The following EPB41L4A variants were observed in gnomAD, a reference collection of about 807,000 sequenced individuals.
EPB41L4A encodes erythrocyte membrane protein band 4.1 like 4A, also known as band 4.1-like protein 4A.
Under a neutral mutation model 108.6 loss-of-function variants are expected in EPB41L4A, and 100 were observed. That is an observed-to-expected ratio of 0.92 (90% CI 0.78 to 1.09). The LOEUF (loss-of-function observed/expected upper bound fraction) is 1.09, where lower values mean the gene tolerates loss of function less well. Among genes scored for constraint, EPB41L4A ranks in the 50% least tolerant of loss-of-function variants. The pLI, the probability that EPB41L4A is intolerant of heterozygous loss-of-function variation, is 0.00. For synonymous variants in EPB41L4A, 319 were observed against 289.0 expected (o/e 1.10, Z -1.05); for missense variants, 1,030 against 842.7 (o/e 1.22, Z -2.75).
intron 17 of EPB41L4A, chr5:112,191,959 A>G (rs1243686552): frequency 6.6e-6 from 1 of 152,248 alleles, no homozygotes; most frequent in Non-Finnish European, 1.5e-5. Flanking sequence ...GGCAAGAGGT[A>G]GAACATCAGC....
At chr5:112,342,013 C>T (rs538818023) in intron 1 of EPB41L4A, among the ~76,000 whole-genome samples, 2 of 152,252 alleles carry the variant, frequency 1.3e-5, no homozygotes, top group African/African-American at 4.8e-5. Flanking sequence ...ACCATTTCCT[C>T]CTATAGAATG....
intron 1 of EPB41L4A, among the ~76,000 whole-genome samples, chr5:112,376,165 G>A (rs968361540): frequency 2.0e-5 from 3 of 152,066 alleles, no homozygotes; most frequent in African/African-American, 2.4e-5. Context: ...TAAAGAACTC[G>A]CAAAACTCAA....
chr5:112,339,011 T>C (rs1004530982), intron 1 of EPB41L4A, among the ~76,000 whole-genome samples: 1 of 125,808 alleles, frequency 7.9e-6, no homozygotes, highest in Non-Finnish European at 1.7e-5. Context: ...AGAACATTTG[T>C]AAATAAAAGA....
chr5:112,284,568 C>A (rs1753163654), intron 2 of EPB41L4A, among the ~76,000 whole-genome samples: 1 of 152,156 alleles, frequency 6.6e-6, no homozygotes, highest in Non-Finnish European at 1.5e-5. Context: ...GTATACTATG[C>A]AGTCTGTATA....
intron 1 of EPB41L4A, among the ~76,000 whole-genome samples, chr5:112,358,894 A>G (rs1364786721): frequency 1.3e-5 from 2 of 152,244 alleles, no homozygotes; most frequent in Non-Finnish European, 2.9e-5. Context: ...ACAATAACAT[A>G]AAAGAATCAC....
At chr5:112,193,646 C>G (rs1051710060) in intron 17 of EPB41L4A, among the ~76,000 whole-genome samples, 4 of 152,202 alleles carry the variant, frequency 2.6e-5, no homozygotes, top group African/African-American at 7.2e-5. Flanking sequence ...AAAAGTAAAG[C>G]AACCAAGCCA....
At chr5:112,323,275 T>C (rs1408505816) in intron 1 of EPB41L4A, among the ~76,000 whole-genome samples, 1 of 152,078 alleles carries the variant, frequency 6.6e-6, no homozygotes, top group Non-Finnish European at 1.5e-5. Flanking sequence ...GGGATAATTC[T>C]CTAGACTGAA....
chr5:112,382,473 T>A (rs1453573609), intron 1 of EPB41L4A, among the ~76,000 whole-genome samples: 1 of 152,200 alleles, frequency 6.6e-6, no homozygotes, highest in African/African-American at 2.4e-5. Context: ...AAATCCTGCA[T>A]GTGTGAGTCA....
Position 112,364,129 on chromosome 5 carries a change from C to G in EPB41L4A, c.99+54812G>C, listed in dbSNP as rs576383114. On this transcript the variant is annotated intron_variant, in intron 1 of 22. Coordinates refer to ENST00000261486, the MANE Select transcript of EPB41L4A (RefSeq NM_022140.5). Reference sequence around the variant, plus strand: ...TGCAAACTCTGCCTCCTGGGTTAAGCAATTCTTCAGCCTCAGCCTCCCGAG... The same window carrying G: ...TGCAAACTCTGCCTCCTGGGTTAAGGAATTCTTCAGCCTCAGCCTCCCGAG... Among the ~76,000 whole-genome samples, 4 of 152,280 alleles carry G rather than the reference C, an allele frequency of 2.6e-5. No individual in the cohort carries two copies. In the South Asian group the frequency reaches 8.3e-4, roughly 32 times the overall value.
chr5:112,334,055 C>G (rs775573750), intron 1 of EPB41L4A, among the ~76,000 whole-genome samples: 1 of 152,158 alleles, frequency 6.6e-6, no homozygotes, highest in African/African-American at 2.4e-5. Context: ...TGAGGGCAGT[C>G]AGACAGTCAG....
intron 18 of EPB41L4A, among the ~76,000 whole-genome samples, chr5:112,178,576 C>T (rs1231694517): frequency 6.6e-6 from 1 of 150,964 alleles, no homozygotes; most frequent in Admixed American, 6.6e-5. Flanking sequence ...TAAAACTGTT[C>T]AGACTTTTTT....
chr5:112,247,627 C>A (rs1750343688), intron 9 of EPB41L4A, among the ~76,000 whole-genome samples: 2 of 152,140 alleles, frequency 1.3e-5, no homozygotes, highest in African/African-American at 4.8e-5. Flanking sequence ...TAATTACATG[C>A]TTCCAAAGAC....
intron 12 of EPB41L4A, among the ~76,000 whole-genome samples, chr5:112,234,343 C>T (rs1336061288): frequency 6.6e-6 from 1 of 151,596 alleles, no homozygotes; most frequent in Non-Finnish European, 1.5e-5. Flanking sequence ...AATCATGCCA[C>T]TGCAATCCAG....
intron 12 of EPB41L4A, among the ~76,000 whole-genome samples, chr5:112,232,911 G>C (rs1296318989): frequency 6.6e-6 from 1 of 152,142 alleles, no homozygotes; most frequent in Admixed American, 6.5e-5. Flanking sequence ...TGTTAGACAA[G>C]GGTGATCTAT....
intron 1 of EPB41L4A, among the ~76,000 whole-genome samples, chr5:112,339,706 T>G (rs907986650): frequency 2.6e-5 from 4 of 151,802 alleles, no homozygotes; most frequent in African/African-American, 9.7e-5. Flanking sequence ...GTTAATGTTT[T>G]TGTATTTTTA....
intron 1 of EPB41L4A, among the ~76,000 whole-genome samples, chr5:112,406,352 G>C (rs1482184564): frequency 6.6e-6 from 1 of 152,140 alleles, no homozygotes; most frequent in African/African-American, 2.4e-5. Flanking sequence ...GAGATATGCA[G>C]CATGGAGCTT....
At chr5:112,319,236 G>A (rs1042205733) in intron 1 of EPB41L4A, among the ~76,000 whole-genome samples, 4 of 152,028 alleles carry the variant, frequency 2.6e-5, no homozygotes, top group South Asian at 2.1e-4. Flanking sequence ...CAGGACTCTC[G>A]CTAATCAAAT....
chr5:112,336,081 G>C (rs1309637027), intron 1 of EPB41L4A, among the ~76,000 whole-genome samples: 1 of 152,204 alleles, frequency 6.6e-6, no homozygotes, highest in South Asian at 2.1e-4. Flanking sequence ...TAACAAATGA[G>C]GAGGGTTTGG....
chr5:112,311,180 A>G (rs1262461191), intron 1 of EPB41L4A, among the ~76,000 whole-genome samples: 1 of 152,122 alleles, frequency 6.6e-6, no homozygotes, highest in Non-Finnish European at 1.5e-5. Flanking sequence ...TTCTTGAGGT[A>G]CAAAATAGGA....
Sources: allele counts gnomAD v4.1 joint callset (sites outside exome capture counted in the v4.1 genomes callset), GRCh38; gene constraint gnomAD v4.1.1; transcripts MANE v1.5; gene names NCBI Gene and HGNC (gene_info 2026-07-23, HGNC 2026-07-21).